TNR: variants seen among roughly 807,000 people sequenced by gnomAD.
The protein encoded by TNR is tenascin-R.
TNR carries 45 observed loss-of-function variants against 150.4 expected under a neutral mutation model. The observed-to-expected ratio is 0.30, with a 90% CI of 0.24 to 0.38. TNR has a LOEUF of 0.38. Ranked by LOEUF, TNR falls within the 10% of genes least tolerant of loss-of-function variation. The pLI is 1.00. For missense variants in TNR, 1,544 were observed against 1,759.1 expected, an observed-to-expected ratio of 0.88 and a Z score of 2.19; for synonymous variants, 687 against 678.4, an observed-to-expected ratio of 1.01 and a Z score of -0.20.
At chr1:175,539,535 T>C (rs989243057) in intron 1 of TNR, among the ~76,000 whole-genome samples, 7 of 152,174 alleles carry the variant, frequency 4.6e-5, no homozygotes, top group African/African-American at 1.7e-4. Flanking sequence ...GAAAAACAGT[T>C]GCACTGAGAC....
At chr1:175,518,045 A>G (rs1175283947) in intron 2 of TNR, among the ~76,000 whole-genome samples, 1 of 152,052 alleles carries the variant, frequency 6.6e-6, no homozygotes, top group Non-Finnish European at 1.5e-5. Flanking sequence ...TGATGGTTTA[A>G]GTAAATAAAT....
chr1:175,693,121 G>T (rs987334242), intron 1 of TNR, among the ~76,000 whole-genome samples: 2 of 152,160 alleles, frequency 1.3e-5, no homozygotes, highest in African/African-American at 4.8e-5. Flanking sequence ...GAATGTTAGA[G>T]GTAATGAGGT....
intron 2 of TNR, among the ~76,000 whole-genome samples, chr1:175,520,401 A>G (rs1470240637): frequency 6.6e-6 from 1 of 152,154 alleles, no homozygotes; most frequent in Non-Finnish European, 1.5e-5. Flanking sequence ...ATTTCCAGGC[A>G]TTTTCTTCCT....
In TNR at chr1:175,362,645, G is replaced by A. The variant is rs1310803807; in HGVS notation, c.2854+18C>T. The A allele has an allele frequency of 6.2e-7, 1 of 1,610,700 alleles. No homozygotes were observed. The highest frequency in any genetic ancestry group is 1.1e-5 in the South Asian group (1 of 90,928). On this transcript the variant is annotated intron_variant, in intron 14 of 22. Coordinates refer to ENST00000367674, the MANE Select transcript of TNR (RefSeq NM_003285.3). The stretch of plus-strand genomic sequence containing the variant: ...TCAGCCAGGGTTCTGACTTGACACA[G>A]CAGGGAGACATTCCCACCTGTGTGC...
At chr1:175,583,213 T>G (rs1475330416) in intron 1 of TNR, among the ~76,000 whole-genome samples, 1 of 151,952 alleles carries the variant, frequency 6.6e-6, no homozygotes, top group Non-Finnish European at 1.5e-5. Context: ...TGTGCCCGAG[T>G]AGAACACAGG....
At chr1:175,623,736 A>T (rs574820031) in intron 1 of TNR, among the ~76,000 whole-genome samples, 3 of 152,340 alleles carry the variant, frequency 2.0e-5, no homozygotes, top group African/African-American at 7.2e-5. Context: ...AGAGGATTAG[A>T]GTGAGCTAAT....
intron 1 of TNR, among the ~76,000 whole-genome samples, chr1:175,643,582 G>A (rs1357015684): frequency 6.6e-6 from 1 of 152,134 alleles, no homozygotes; most frequent in Non-Finnish European, 1.5e-5. Context: ...ACAAAATAAA[G>A]GATGGTTTGT....
At chr1:175,490,507 G>A (rs1658200986) in intron 2 of TNR, among the ~76,000 whole-genome samples, 2 of 152,122 alleles carry the variant, frequency 1.3e-5, no homozygotes, top group Middle Eastern at 3.4e-3. Flanking sequence ...AGTCTATAAG[G>A]AACTTACACA....
intron 2 of TNR, among the ~76,000 whole-genome samples, chr1:175,444,946 G>C (rs149770434): frequency 2.6e-4 from 40 of 152,330 alleles, no homozygotes; most frequent in African/African-American, 9.4e-4. Context: ...GATTTTTGAA[G>C]ATTAGCATGG....
chr1:175,594,721 G>T (rs1214491773), intron 1 of TNR, among the ~76,000 whole-genome samples: 1 of 152,032 alleles, frequency 6.6e-6, no homozygotes, highest in Non-Finnish European at 1.5e-5. Context: ...CATGCATAGT[G>T]GTGCACACCT....
At chr1:175,547,281 G>T (rs1481897721) in intron 1 of TNR, among the ~76,000 whole-genome samples, 2 of 152,210 alleles carry the variant, frequency 1.3e-5, no homozygotes, top group Non-Finnish European at 2.9e-5. Context: ...TCATGTTGAA[G>T]CCACATGGCC....
intron 1 of TNR, among the ~76,000 whole-genome samples, chr1:175,716,631 C>T (rs1317357727): frequency 6.6e-6 from 1 of 152,158 alleles, no homozygotes; most frequent in Non-Finnish European, 1.5e-5. Context: ...TTCAACAATG[C>T]TAGTGAATCT....
At chr1:175,618,745 C>A (rs531028980) in intron 1 of TNR, among the ~76,000 whole-genome samples, 46 of 152,258 alleles carry the variant, frequency 3.0e-4, no homozygotes, top group South Asian at 8.3e-4. Flanking sequence ...TACAGAGGAA[C>A]CCACATCCTG....
intron 2 of TNR, among the ~76,000 whole-genome samples, chr1:175,519,808 T>C (rs1275613628): frequency 1.3e-5 from 2 of 152,220 alleles, no homozygotes; most frequent in Non-Finnish European, 2.9e-5. Flanking sequence ...ACAAGTGATA[T>C]TTACACCCTA....
chr1:175,420,953 T>G (rs1654724382), intron 2 of TNR, among the ~76,000 whole-genome samples: 1 of 152,206 alleles, frequency 6.6e-6, no homozygotes, highest in Admixed American at 6.5e-5. Context: ...GCAGGTTTAT[T>G]TAATTATTTA....
At chr1:175,434,698 C>T (rs112707278) in intron 2 of TNR, among the ~76,000 whole-genome samples, 131 of 152,254 alleles carry the variant, frequency 8.6e-4, no homozygotes, top group African/African-American at 3.1e-3. Flanking sequence ...GATTTATGCC[C>T]GGGAATACGG....
At chr1:175,630,850 A>G (rs544819239) in intron 1 of TNR, among the ~76,000 whole-genome samples, 1 of 152,312 alleles carries the variant, frequency 6.6e-6, no homozygotes, top group South Asian at 2.1e-4. Context: ...TATGAATAAC[A>G]GGCTGAATTC....
At chr1:175,578,242 C>T (rs1237246213) in intron 1 of TNR, among the ~76,000 whole-genome samples, 1 of 151,754 alleles carries the variant, frequency 6.6e-6, no homozygotes, top group Non-Finnish European at 1.5e-5. Flanking sequence ...AAACTGGATG[C>T]ATTCAGGGGA....
At chr1:175,362,552 G>A in intron 14 of TNR, 111 bp downstream of exon 14, 5 of 1,363,204 alleles carry the variant, frequency 3.7e-6, no homozygotes, top group Admixed American at 2.1e-5. Flanking sequence ...TGAGTTGGAG[G>A]AGCACCCCGA....
Sources: gnomAD v4.1 joint callset for allele counts (sites outside exome capture counted in the v4.1 genomes callset) on GRCh38, gnomAD v4.1.1 for gene constraint, MANE v1.5 for transcripts, NCBI Gene and HGNC (gene_info 2026-07-23, HGNC 2026-07-21) for gene names.